The following CNTNAP2 variants were observed in gnomAD, a reference collection of about 807,000 sequenced individuals.
The protein encoded by CNTNAP2 is contactin associated protein 2.
In CNTNAP2, 98 loss-of-function variants were observed where a neutral mutation model predicts 155.2. That is an observed-to-expected ratio of 0.63 (90% CI 0.54 to 0.75). The LOEUF (loss-of-function observed/expected upper bound fraction) is 0.75. CNTNAP2 is among the 30% of genes least tolerant of loss of function. The pLI is 0.00. For synonymous variants in CNTNAP2, 651 were observed against 631.2 expected, an observed-to-expected ratio of 1.03 and a Z score of -0.47; for missense variants, 1,727 against 1,688.1, an observed-to-expected ratio of 1.02 and a Z score of -0.40.
intron 3 of CNTNAP2, among the ~76,000 whole-genome samples, chr7:146,961,678 G>A (rs768139100): frequency 6.6e-5 from 10 of 152,108 alleles, no homozygotes; most frequent in Non-Finnish European, 1.2e-4. Context: ...AATGACAGGC[G>A]GCTGATATTG....
chr7:146,913,352 T>G (rs1796329146), intron 3 of CNTNAP2, among the ~76,000 whole-genome samples: 1 of 152,112 alleles, frequency 6.6e-6, no homozygotes, highest in African/African-American at 2.4e-5. Context: ...GGGTTTGTGA[T>G]TTTCCTGTAG....
At chr7:147,243,437 C>T (rs772267322) in intron 8 of CNTNAP2, among the ~76,000 whole-genome samples, 4 of 152,322 alleles carry the variant, frequency 2.6e-5, no homozygotes, top group Middle Eastern at 3.4e-3. Flanking sequence ...CCTCCCCCAT[C>T]ATTCCCAATT....
At chr7:147,905,391 G>A (rs1563130456) in intron 14 of CNTNAP2, among the ~76,000 whole-genome samples, 1 of 152,208 alleles carries the variant, frequency 6.6e-6, no homozygotes, top group Non-Finnish European at 1.5e-5. Context: ...GAAAGAGTAA[G>A]ATCTAGTACC....
intron 21 of CNTNAP2, 128 bp downstream of exon 21, chr7:148,267,254 G>T: frequency 3.7e-6 from 3 of 821,570 alleles, no homozygotes; most frequent in South Asian, 1.4e-5. Flanking sequence ...CTCTGTACAG[G>T]AAAGTTACGT....
At chr7:146,905,748 A>G (rs1203708939) in intron 3 of CNTNAP2, among the ~76,000 whole-genome samples, 1 of 152,190 alleles carries the variant, frequency 6.6e-6, no homozygotes, top group Non-Finnish European at 1.5e-5. Flanking sequence ...TGAAACCTAT[A>G]ACAATTTTTA....
At chr7:147,059,633 C>T (rs758224823) in intron 4 of CNTNAP2, among the ~76,000 whole-genome samples, 6 of 151,912 alleles carry the variant, frequency 3.9e-5, no homozygotes, top group Non-Finnish European at 7.4e-5. Flanking sequence ...AGAACTATAC[C>T]TAGTAGGAAA....
intron 3 of CNTNAP2, among the ~76,000 whole-genome samples, chr7:147,035,917 T>G (rs970508814): frequency 6.6e-6 from 1 of 152,206 alleles, no homozygotes; most frequent in Non-Finnish European, 1.5e-5. Context: ...TTCTAGTACT[T>G]TATATAGTCT....
intron 8 of CNTNAP2, among the ~76,000 whole-genome samples, chr7:147,143,879 C>T (rs17170331): frequency 0.085 from 12,935 of 152,014 alleles, 586 homozygotes; most frequent in Non-Finnish European, 0.11. Context: ...AGGAGCATGA[C>T]GTGAAGTAAA....
In CNTNAP2 at chr7:148,217,360, A is replaced by G. The variant is rs1338782482; in HGVS notation, c.3083A>G (p.Asp1028Gly). The change falls in exon 19 of 24, where the codon GAC (aspartate) becomes GGC (glycine). Residue 1028 changes from aspartate to glycine, a missense_variant. Physicochemically the swap from Asp to Gly is moderately conservative, Grantham distance 94. Transcript: ENST00000361727. ...NFQAPATNAR[D>G]SSSRVDNAPD... ...CAGGCACCAGCAACAAATGCCAGAG[A>G]CTCCAGCAGCAGAGTAGACAACGCT... 1 of 1,613,540 alleles carries G rather than the reference A, an allele frequency of 6.2e-7. No individual in the cohort carries two copies. Among genetic ancestry groups the G allele is most frequent in the Admixed American group, 1.7e-5 (1 of 59,954 alleles).
At chr7:146,545,291 CT>C in intron 1 of CNTNAP2, among the ~76,000 whole-genome samples, 1 of 151,880 alleles carries the variant, frequency 6.6e-6, no homozygotes, top group Non-Finnish European at 1.5e-5. Context: ...CTACCGTGAA[CT>C]GTTCGAAGTT....
chr7:147,125,569 G>A (rs1801215925), intron 6 of CNTNAP2, among the ~76,000 whole-genome samples: 1 of 152,196 alleles, frequency 6.6e-6, no homozygotes, highest in South Asian at 2.1e-4. Context: ...CACCCACTGT[G>A]GATATTATGC....
chr7:146,947,399 T>G (rs1797199533), intron 3 of CNTNAP2, among the ~76,000 whole-genome samples: 1 of 130,808 alleles, frequency 7.6e-6, no homozygotes, highest in Non-Finnish European at 1.6e-5. Context: ...TCTCTCTCTC[T>G]CTCTCTCTCT....
intron 8 of CNTNAP2, among the ~76,000 whole-genome samples, chr7:147,274,700 T>G (rs1391784923): frequency 6.6e-6 from 1 of 152,118 alleles, no homozygotes; most frequent in African/African-American, 2.4e-5. Context: ...TGTCTATTTT[T>G]GGGTTTGTTG....
intron 20 of CNTNAP2, among the ~76,000 whole-genome samples, chr7:148,254,173 A>G (rs1796420201): frequency 1.3e-5 from 2 of 152,128 alleles, no homozygotes; most frequent in Non-Finnish European, 2.9e-5. Context: ...CACCCACTTC[A>G]AAACTGACCA....
chr7:147,852,325 G>A (rs193048648), intron 13 of CNTNAP2, among the ~76,000 whole-genome samples: 3 of 152,246 alleles, frequency 2.0e-5, no homozygotes, highest in Admixed American at 1.3e-4. Context: ...TACAGAGGAG[G>A]TATGAATGAA....
intron 3 of CNTNAP2, among the ~76,000 whole-genome samples, chr7:146,947,311 A>G (rs1007683980): frequency 6.6e-6 from 1 of 150,534 alleles, no homozygotes; most frequent in African/African-American, 2.4e-5. Context: ...GTCATTAGCA[A>G]TGTCATATAA....
chr7:147,632,324 T>A (rs1052283501), intron 12 of CNTNAP2, among the ~76,000 whole-genome samples: 84 of 152,098 alleles, frequency 5.5e-4, no homozygotes, highest in African/African-American at 1.8e-3. Flanking sequence ...AAATCTCATC[T>A]TGAATTGTAG....
At chr7:146,464,271 T>C (rs942844341) in intron 1 of CNTNAP2, among the ~76,000 whole-genome samples, 3 of 144,638 alleles carry the variant, frequency 2.1e-5, no homozygotes, top group Admixed American at 7.4e-5. Context: ...TCAATAGAAG[T>C]AAAGTTTTTA....
At chr7:147,948,180 G>C (rs1033136512) in intron 14 of CNTNAP2, among the ~76,000 whole-genome samples, 1 of 151,944 alleles carries the variant, frequency 6.6e-6, no homozygotes, top group South Asian at 2.1e-4. Flanking sequence ...TTCATTCTAG[G>C]GGGAGGGGGG....
Sources: gnomAD v4.1 joint callset for allele counts (sites outside exome capture counted in the v4.1 genomes callset) on GRCh38, gnomAD v4.1.1 for gene constraint, MANE v1.5 for transcripts, NCBI Gene and HGNC (gene_info 2026-07-23, HGNC 2026-07-21) for gene names.